The following C16orf87 variants were observed in gnomAD, a reference collection of about 807,000 sequenced individuals.
C16orf87 encodes HDAC and MIER1 interacting protein 1, also known as UPF0547 protein C16orf87.
A neutral mutation model predicts 21.0 loss-of-function variants in C16orf87; 13 were observed. The ratio of observed to expected loss-of-function variants is 0.62; its 90% CI spans 0.40 to 0.98. The LOEUF (loss-of-function observed/expected upper bound fraction) is 0.98. Among genes scored for constraint, C16orf87 ranks in the 50% least tolerant of loss-of-function variants. The pLI is 0.00. For synonymous variants in C16orf87, 49 were observed against 60.2 expected (o/e 0.81, Z 0.86); for missense variants, 113 against 180.4 (o/e 0.63, Z 2.14).
chr16:46,823,838 G>C (rs571033272), intron 2 of C16orf87, among the ~76,000 whole-genome samples: 3 of 152,016 alleles, frequency 2.0e-5, no homozygotes, highest in Non-Finnish European at 4.4e-5. Flanking sequence ...AAAGAAGCCA[G>C]GCAAAAAAGA....
intron 1 of C16orf87, among the ~76,000 whole-genome samples, chr16:46,828,730 G>A (rs891535593): frequency 1.3e-5 from 2 of 151,960 alleles, no homozygotes; most frequent in Non-Finnish European, 2.9e-5. Flanking sequence ...ACCTAAATTC[G>A]AATTTAATTT....
At position 46,801,998 on chromosome 16, in the gene C16orf87, C is replaced by G. The variant is rs571029640; in HGVS notation, c.*954G>C. ...AAATTAAGAATTTAAATATATTTCA[C>G]AAACTTCACCAGAACAAAAAACTTT... On this transcript the variant is annotated 3_prime_UTR_variant, in exon 4 of 4. Coordinates refer to ENST00000285697, the MANE Select transcript of C16orf87 (RefSeq NM_001001436.4). The G allele has an allele frequency of 7.4e-4, 112 of 152,260 alleles. 1 individual carries two copies. The South Asian group carries it at 0.021, about 28-fold the overall frequency. 9.4% of individuals were successfully genotyped at this position (152,260 alleles called of 1,614,324 possible). A position where few individuals can be genotyped will look rare whatever the true frequency, so the allele number is the denominator to read the frequency against.
chr16:46,812,876 A>C (rs1475665058), intron 2 of C16orf87, among the ~76,000 whole-genome samples: 1 of 152,174 alleles, frequency 6.6e-6, no homozygotes, highest in Non-Finnish European at 1.5e-5. Context: ...ATCTTACACC[A>C]TCTCTCAAAA....
intron 3 of C16orf87, among the ~76,000 whole-genome samples, chr16:46,809,116 G>A (rs1277696851): frequency 6.6e-6 from 1 of 151,290 alleles, no homozygotes; most frequent in Non-Finnish European, 1.5e-5. Flanking sequence ...TGGGCAACAT[G>A]GTGAAACCCC....
At chr16:46,814,874 C>T (rs187735184) in intron 2 of C16orf87, among the ~76,000 whole-genome samples, 33 of 152,122 alleles carry the variant, frequency 2.2e-4, no homozygotes, top group Non-Finnish European at 8.8e-5. Context: ...ACAGAAAAAC[C>T]CATCCTAAAA....
At chr16:46,809,867 T>C in intron 2 of C16orf87, 82 bp from the exon 3 acceptor site, 1 of 840,664 alleles carries the variant, frequency 1.2e-6, no homozygotes, top group Non-Finnish European at 1.9e-6. Flanking sequence ...CCTTTTTCTT[T>C]CTAAATAGCA....
At chr16:46,813,364 C>T (rs1350996939) in intron 2 of C16orf87, among the ~76,000 whole-genome samples, 3 of 151,808 alleles carry the variant, frequency 2.0e-5, no homozygotes, top group Non-Finnish European at 2.9e-5. Context: ...TGTACCATCG[C>T]TAAGGTCCAC....
At chr16:46,809,347 T>C (rs1044484022) in intron 3 of C16orf87, among the ~76,000 whole-genome samples, 1 of 152,086 alleles carries the variant, frequency 6.6e-6, no homozygotes, top group Non-Finnish European at 1.5e-5. Context: ...ATACAAATTA[T>C]CTTTGAACTC....
chr16:46,827,274 A>G (rs569843108), intron 1 of C16orf87, among the ~76,000 whole-genome samples: 1 of 152,256 alleles, frequency 6.6e-6, no homozygotes, highest in East Asian at 1.9e-4. Flanking sequence ...CACCACCACC[A>G]TCACCACCCT....
intron 2 of C16orf87, among the ~76,000 whole-genome samples, chr16:46,823,996 T>C (rs1449758218): frequency 6.6e-6 from 1 of 152,230 alleles, no homozygotes; most frequent in Non-Finnish European, 1.5e-5. Context: ...ATTGTGGTGA[T>C]TGATTGGTAT....
At chr16:46,829,774 A>T (rs948285643) in intron 1 of C16orf87, among the ~76,000 whole-genome samples, 9 of 152,190 alleles carry the variant, frequency 5.9e-5, no homozygotes, top group Non-Finnish European at 1.2e-4. Flanking sequence ...TTTTTCTGAT[A>T]AGCATTTTTA....
chr16:46,809,889 T>C (rs550461264), intron 2 of C16orf87, 104 bp from the exon 3 acceptor site: 2 of 667,950 alleles, frequency 3.0e-6, no homozygotes, highest in East Asian at 2.6e-5. Flanking sequence ...TAGAGTATGC[T>C]TCCTGGCATA....
chr16:46,824,265 CA>C (rs1959530087), intron 2 of C16orf87, 120 bp downstream of exon 2: 1 of 588,812 alleles, frequency 1.7e-6, no homozygotes, highest in Non-Finnish European at 3.0e-6. Flanking sequence ...TAATAAAAGC[CA>C]AAAACACTTG....
chr16:46,806,189 C>T (rs1000683158), intron 3 of C16orf87, among the ~76,000 whole-genome samples: 1 of 152,048 alleles, frequency 6.6e-6, no homozygotes, highest in African/African-American at 2.4e-5. Flanking sequence ...TCTTAGATTT[C>T]CCCAAAGGAG....
In C16orf87 at chr16:46,831,107, A is replaced by G; in HGVS notation, c.43T>C (p.Ser15Pro). ...ACCTGTTGGTCGCACTCGGGGCATGATTTGGTGGCCATCTTCACTTTCTTG... is the reference window on the plus strand; with the variant it reads ...ACCTGTTGGTCGCACTCGGGGCATGGTTTGGTGGCCATCTTCACTTTCTTG... Reference protein sequence around the residue: ...RAKKVKMATKSCPECDQQVPV... With the variant: ...RAKKVKMATKPCPECDQQVPV... The change falls in exon 1 of 4, where the codon TCA becomes CCA. Residue 15 changes from serine (S) to proline (P), a missense_variant. Physicochemically the swap from Ser to Pro is moderately conservative, Grantham distance 74. Coordinates refer to ENST00000285697, the MANE Select transcript of C16orf87 (RefSeq NM_001001436.4). The G allele has an allele frequency of 1.3e-6, 2 of 1,579,410 alleles. No individual in the cohort carries two copies. Among genetic ancestry groups the G allele is most frequent in the East Asian group, 2.4e-5 (1 of 41,760 alleles).
At chr16:46,812,061 T>A (rs904241222) in intron 2 of C16orf87, among the ~76,000 whole-genome samples, 1 of 152,146 alleles carries the variant, frequency 6.6e-6, no homozygotes, top group African/African-American at 2.4e-5. Context: ...CTAGCCAACA[T>A]GATGAAACCC....
chr16:46,797,824 G>C lies in C16orf87; in HGVS notation c.*5128C>G, dbSNP rs1967654368. The stretch of plus-strand genomic sequence containing the variant: ...AGCAAATACTGCAAAACTATTCAAA[G>C]AACTATAATTTTAAAAAACAATAAA... On this transcript the variant is annotated 3_prime_UTR_variant, in exon 4 of 4. Transcript: ENST00000285697. 1 of 151,712 alleles carries C rather than the reference G, an allele frequency of 6.6e-6. No homozygotes were observed. Among genetic ancestry groups the C allele is most frequent in the Admixed American group, 6.6e-5 (1 of 15,242 alleles). 9.4% of individuals were successfully genotyped at this position (151,712 alleles called of 1,614,324 possible).
intron 2 of C16orf87, among the ~76,000 whole-genome samples, chr16:46,819,175 C>T (rs1459744175): frequency 1.3e-5 from 2 of 152,190 alleles, no homozygotes; most frequent in African/African-American, 2.4e-5. Context: ...TTGTGTGTTT[C>T]GTCCAATTCT....
At chr16:46,807,013 C>A (rs1404589637) in intron 3 of C16orf87, among the ~76,000 whole-genome samples, 1 of 152,212 alleles carries the variant, frequency 6.6e-6, no homozygotes, top group East Asian at 1.9e-4. Flanking sequence ...TCCAAGAAAT[C>A]TATCCTAAAA....
Sources: gnomAD v4.1 joint callset for allele counts (sites outside exome capture counted in the v4.1 genomes callset) on GRCh38, gnomAD v4.1.1 for gene constraint, MANE v1.5 for transcripts, NCBI Gene and HGNC (gene_info 2026-07-23, HGNC 2026-07-21) for gene names.